The following PALB2 variants were observed in gnomAD, a reference collection of about 807,000 sequenced individuals.
PALB2 encodes the protein partner and localizer of BRCA2.
A neutral mutation model predicts 107.4 loss-of-function variants in PALB2; 82 were observed. The ratio of observed to expected loss-of-function variants is 0.76; its 90% confidence interval spans 0.64 to 0.92. The LOEUF is 0.92. Among genes scored for constraint, PALB2 ranks in the 40% least tolerant of loss-of-function variants. The pLI is 0.00. For missense variants in PALB2, 1,374 were observed against 1,379.9 expected (o/e 1.00, Z 0.07); for synonymous variants, 489 against 496.8 (o/e 0.98, Z 0.21).
rs1221176559 is a variant in PALB2, at chr16:23,603,507, C to G, written c.3513G>C (p.Leu1171Phe). ...TATTTCCATCTTTTTGTCCAGCCAG[C>G]AAATGAGAGTCTGTACCCGACCATT... is the stretch of plus-strand genomic sequence containing the variant. ...FVKWSGTDSH[L>F]LAGQKDGNIF... is the part of the protein sequence containing the mutation. Residue 1171 changes from leucine (L) to phenylalanine (F), a missense_variant, in exon 13 of 13, where the codon TTG becomes TTC. By Grantham distance (22) the Leu-to-Phe change is conservative. Transcript: ENST00000261584. 2 of 1,613,916 alleles carry G rather than the reference C, an allele frequency of 1.2e-6. No homozygotes were observed. The highest frequency in any genetic ancestry group is 2.7e-5 in the African/African-American group (2 of 74,888).
At chr16:23,613,871 G>A (rs1313934059) in intron 11 of PALB2, 133 bp downstream of exon 11, 3 of 704,284 alleles carry the variant, frequency 4.3e-6, no homozygotes, top group Admixed American at 2.2e-5. Flanking sequence ...TTCAAGAAAG[G>A]ACAAACATTG....
intron 12 of PALB2, among the ~76,000 whole-genome samples, chr16:23,604,847 G>A (rs527791371): frequency 6.6e-6 from 1 of 152,212 alleles, no homozygotes; most frequent in East Asian, 1.9e-4. Flanking sequence ...GCCAAGGCAG[G>A]CAGATCACCT....
intron 10 of PALB2, chr16:23,617,944 T>C (rs982483357): frequency 6.6e-6 from 1 of 151,872 alleles, no homozygotes; most frequent in Non-Finnish European, 1.5e-5. Flanking sequence ...GTTGCTTAAG[T>C]CCAAAAGTTC....
At chr16:23,637,109 G>A (rs756447922) in intron 3 of PALB2, among the ~76,000 whole-genome samples, 3 of 151,936 alleles carry the variant, frequency 2.0e-5, no homozygotes, top group Non-Finnish European at 4.4e-5. Context: ...TTAGCTGGGC[G>A]TGGCGGTGTG....
rs1966843130 is a variant in PALB2 at position 23,626,499 on chromosome 16, G to A, written c.2587-102C>T. ...GAATTATAATTCAATGAAACAGTAG[G>A]TATGTAAAATTTAAGTCTTATGCAG... On this transcript the variant is annotated intron_variant, in intron 6 of 12. Transcript: ENST00000261584. 6 of 1,420,944 alleles carry A rather than the reference G, an allele frequency of 4.2e-6. No homozygotes were observed. The South Asian group carries it at 7.0e-5, about 17-fold the overall frequency. The allele number at this position is 1,420,944 out of a possible 1,614,324, so 88.0% of individuals were successfully genotyped here. A position where few individuals can be genotyped will look rare whatever the true frequency, so the allele number is the denominator to read the frequency against.
In PALB2 at chr16:23,629,645, C is replaced by G. The variant is rs587778587; in HGVS notation, c.2509G>C (p.Glu837Gln). 1.9e-6 allele frequency: 3 copies of G among 1,613,822 alleles called. No homozygotes were observed. Among genetic ancestry groups the G allele is most frequent in the East Asian group, 2.2e-5 (1 of 44,892 alleles). Residue 837 changes from glutamate to glutamine, a missense_variant, in exon 5 of 13, where the codon GAA becomes CAA. Transcript: ENST00000261584. ...TCQELHKHSV[E>Q]QTETAELPAS... ...ACAGAGGAAATGGATTGTACCTGTT[C>G]GACGGAATGTTTATGCAGCTCCTGG...
At chr16:23,629,568 A>C in intron 5 of PALB2, 72 bp downstream of exon 5, 2 of 1,443,934 alleles carry the variant, frequency 1.4e-6, no homozygotes, top group Non-Finnish European at 1.9e-6. Context: ...TGCGCAAGCA[A>C]GTCATGCTGT....
At chr16:23,630,676 G>C (rs1183511881) in intron 4 of PALB2, among the ~76,000 whole-genome samples, 1 of 152,180 alleles carries the variant, frequency 6.6e-6, no homozygotes, top group Non-Finnish European at 1.5e-5. Flanking sequence ...ACCCAACAAA[G>C]AGTGAGCTTC....
intron 12 of PALB2, among the ~76,000 whole-genome samples, chr16:23,605,462 G>A (rs1347956068): frequency 2.0e-5 from 3 of 152,156 alleles, no homozygotes; most frequent in African/African-American, 7.2e-5. Flanking sequence ...AGGCTGAAGT[G>A]CAATGGCGAG....
In PALB2 at chr16:23,626,299, A is replaced by G; in HGVS notation, c.2685T>C (p.Val895=). Residue 895 remains valine (V), a synonymous_variant, in exon 7 of 13, where the codon GTT becomes GTC. Transcript: ENST00000261584. The part of the protein sequence containing the change: ...PCIITACEDV[V]SLWKALDAWQ... ...AAGCATCCAGAGCTTTCCAAAGAGA[A>G]ACTACATCTTCGCAAGCAGTTATGA... 6.2e-7 allele frequency: 1 copy of G among 1,614,172 alleles called. No individual in the cohort carries two copies. Among genetic ancestry groups the G allele is most frequent in the Non-Finnish European group, 8.5e-7 (1 of 1,180,018 alleles).
At chr16:23,632,281 T>G (rs2142399273) in intron 4 of PALB2, among the ~76,000 whole-genome samples, 1 of 152,186 alleles carries the variant, frequency 6.6e-6, no homozygotes, top group Non-Finnish European at 1.5e-5. Flanking sequence ...CCGTCTCTAC[T>G]AAAAATACAA....
rs554346869 is a variant in PALB2 at position 23,636,758 on chromosome 16, T to A, written c.212-424A>T. 1.1e-4 allele frequency among the ~76,000 whole-genome samples: 16 copies of A among 152,330 alleles called. No individual in the cohort carries two copies. The East Asian group carries it at 2.9e-3, about 28-fold the overall frequency. Reference sequence around the variant, plus strand: ...ACAATCTCTTCTCTTAACTTCTAAATCTCAACTAGTTTTCTATCTCATGTA... The same window carrying A: ...ACAATCTCTTCTCTTAACTTCTAAAACTCAACTAGTTTTCTATCTCATGTA... On this transcript the variant is annotated intron_variant, in intron 3 of 12. Transcript: ENST00000261584.
intron 11 of PALB2, among the ~76,000 whole-genome samples, chr16:23,612,523 CTTTTTTTTTTT>C (rs900478700): frequency 1.7e-5 from 2 of 119,508 alleles, no homozygotes; most frequent in Admixed American, 1.7e-4. Context: ...CAGGCCAAGA[CTTTTTTTTTTT>C]TTTTTTTTTT....
At chr16:23,624,252 T>C in intron 7 of PALB2, 158 bp from the exon 8 acceptor site, 1 of 646,020 alleles carries the variant, frequency 1.5e-6, no homozygotes, top group East Asian at 2.7e-5. Context: ...GCTGTAAATC[T>C]AAATAAACTA....
At chr16:23,637,001 G>A (rs895957415) in intron 3 of PALB2, among the ~76,000 whole-genome samples, 2 of 152,144 alleles carry the variant, frequency 1.3e-5, no homozygotes, top group African/African-American at 4.8e-5. Context: ...TGTAATCCCA[G>A]CACTTTGGGA....
rs778602038 is a variant in PALB2 at position 23,624,022 on chromosome 16, T to C, written c.2821A>G (p.Ile941Val). 5.7e-6 allele frequency: 9 copies of C among 1,591,624 alleles called. No homozygotes were observed. The Admixed American group carries it at 8.3e-5, about 15-fold the overall frequency. ...LVCVALGNLE[I>V]REIRALFCSS... ...GGAATTACATACCTGATCTCTCTGA[T>C]TTCCAAATTTCCCAAAGCTACACAC... is the stretch of plus-strand genomic sequence containing the variant. The change falls in exon 8 of 13, where the codon ATC (isoleucine) becomes GTC (valine). Residue 941 changes from isoleucine to valine, a missense_variant. Physicochemically the swap from Ile to Val is conservative, Grantham distance 29 (BLOSUM62 3). Coordinates refer to ENST00000261584, the MANE Select transcript of PALB2 (RefSeq NM_024675.4).
intron 4 of PALB2, 96 bp from the exon 5 acceptor site, chr16:23,630,565 T>G: frequency 2.0e-6 from 2 of 1,002,872 alleles, no homozygotes; most frequent in Non-Finnish European, 3.0e-6. Context: ...CTCCTAGATT[T>G]AAAAGAAACA....
chr16:23,617,142 C>T (rs1018261109), intron 10 of PALB2, among the ~76,000 whole-genome samples: 23 of 152,120 alleles, frequency 1.5e-4, no homozygotes, highest in African/African-American at 5.5e-4. Context: ...AGACCTTCAG[C>T]ATAGTTTCCA....
chr16:23,609,524 A>AT (rs944176754), intron 11 of PALB2, among the ~76,000 whole-genome samples: 23 of 148,756 alleles, frequency 1.5e-4, no homozygotes, highest in East Asian at 9.8e-4. Context: ...ACCCAACACA[A>AT]TTTTTTTTTT....
Sources: gnomAD v4.1 joint callset for allele counts (sites outside exome capture counted in the v4.1 genomes callset) on GRCh38, gnomAD v4.1.1 for gene constraint, MANE v1.5 for transcripts, NCBI Gene and HGNC (gene_info 2026-07-23, HGNC 2026-07-21) for gene names.